The following SFXN1 variants were observed in gnomAD, a reference collection of about 807,000 sequenced individuals.
SFXN1 encodes the protein sideroflexin 1.
Under a neutral mutation model 39.5 loss-of-function variants are expected in SFXN1, and 32 were observed. The observed-to-expected ratio is 0.81, with a 90% CI of 0.61 to 1.09. The LOEUF (loss-of-function observed/expected upper bound fraction) is 1.09, where lower values mean the gene tolerates loss of function less well. Among genes scored for constraint, SFXN1 ranks in the 50% least tolerant of loss-of-function variants. SFXN1 has a pLI of 0.00. For missense variants in SFXN1, 402 were observed against 407.1 expected, an observed-to-expected ratio of 0.99 and a Z score of 0.11; for synonymous variants, 136 against 146.5, an observed-to-expected ratio of 0.93 and a Z score of 0.52.
chr5:175,511,299 C>T (rs997953218), intron 4 of SFXN1, 152 bp from the exon 5 acceptor site: 5 of 609,006 alleles, frequency 8.2e-6, no homozygotes, highest in Non-Finnish European at 1.4e-5. Context: ...TCTAGATTCC[C>T]CTACTTGTGG....
At chr5:175,487,759 A>G (rs1759503124) in intron 1 of SFXN1, among the ~76,000 whole-genome samples, 2 of 151,996 alleles carry the variant, frequency 1.3e-5, no homozygotes, top group East Asian at 3.9e-4. Flanking sequence ...GGACATCTCC[A>G]CTTGCTGCCT....
chr5:175,498,220 C>G (rs1344445519), intron 2 of SFXN1, among the ~76,000 whole-genome samples: 6 of 152,100 alleles, frequency 3.9e-5, no homozygotes, highest in Non-Finnish European at 8.8e-5. Context: ...AATGAATGAA[C>G]TGAGAACCCA....
At chr5:175,509,806 C>T (rs1760448932) in intron 3 of SFXN1, among the ~76,000 whole-genome samples, 1 of 152,096 alleles carries the variant, frequency 6.6e-6, no homozygotes, top group African/African-American at 2.4e-5. Flanking sequence ...CTTTTTTCCC[C>T]AAGAGAAGGG....
Position 175,527,877 on chromosome 5 carries a change from G to C in SFXN1, c.*1143G>C, listed in dbSNP as rs1761114983. 1 of 151,348 alleles carries C rather than the reference G, an allele frequency of 6.6e-6. No homozygotes were observed. Among genetic ancestry groups the C allele is most frequent in the African/African-American group, 2.4e-5 (1 of 41,100 alleles). The allele number at this position is 151,348 out of a possible 1,614,324, so 9.4% of individuals were successfully genotyped here. A position where few individuals can be genotyped will look rare whatever the true frequency, so the allele number is the denominator to read the frequency against. On this transcript the variant is annotated 3_prime_UTR_variant, in exon 11 of 11. Transcript: ENST00000321442. ...GACAGTTGGCCCTCTGTATCCGTGA[G>C]CTCTATATCTGTGAATTCAACCAAG... is the stretch of plus-strand genomic sequence containing the variant.
intron 7 of SFXN1, chr5:175,513,867 T>G: frequency 4.4e-5 from 12 of 270,670 alleles, no homozygotes; most frequent in East Asian, 7.8e-5. Context: ...ATGAATATTC[T>G]GGCAGAGGGA....
At chr5:175,518,212 G>A (rs1760773744) in intron 8 of SFXN1, among the ~76,000 whole-genome samples, 1 of 152,118 alleles carries the variant, frequency 6.6e-6, no homozygotes, top group Non-Finnish European at 1.5e-5. Flanking sequence ...CATTCTTGAT[G>A]GCACTTTCAT....
At position 175,528,425 on chromosome 5, in the gene SFXN1, T is replaced by TA. The variant is rs1181522610; in HGVS notation, c.*1692dup. The TA allele has an allele frequency of 6.6e-6, 1 of 152,184 alleles. No homozygotes were observed. The highest frequency in any genetic ancestry group is 6.5e-5 in the Admixed American group (1 of 15,270). 9.4% of individuals were successfully genotyped at this position (152,184 alleles called of 1,614,324 possible). A position where few individuals can be genotyped will look rare whatever the true frequency, so the allele number is the denominator to read the frequency against. ...TATCAGGAACTTGAGCATCTGCAGA[T>TA]ATTGGTATCGGAGGGCGGTCCTGGA... On this transcript the variant is annotated 3_prime_UTR_variant, in exon 11 of 11. Coordinates refer to ENST00000321442, the MANE Select transcript of SFXN1 (RefSeq NM_022754.7).
At chr5:175,497,175 C>T (rs1368878415) in intron 2 of SFXN1, among the ~76,000 whole-genome samples, 1 of 152,198 alleles carries the variant, frequency 6.6e-6, no homozygotes, top group African/African-American at 2.4e-5. Context: ...AGGCGTGAGC[C>T]ACCATGCCTC....
chr5:175,494,038 A>G (rs1281048032), intron 2 of SFXN1, among the ~76,000 whole-genome samples: 3 of 152,250 alleles, frequency 2.0e-5, no homozygotes, highest in Non-Finnish European at 2.9e-5. Flanking sequence ...AGAGGAAAAG[A>G]GAATGGAGAC....
chr5:175,500,397 TACACCAACAC>T (rs1760026834), intron 2 of SFXN1, among the ~76,000 whole-genome samples: 1 of 127,368 alleles, frequency 7.9e-6, no homozygotes, highest in Admixed American at 8.3e-5. Context: ...AAAATGCCTG[TACACCAACAC>T]ACACACACAC....
At chr5:175,496,006 T>G (rs1561658790) in intron 2 of SFXN1, among the ~76,000 whole-genome samples, 1 of 148,018 alleles carries the variant, frequency 6.8e-6, no homozygotes, top group African/African-American at 2.5e-5. Flanking sequence ...GTTCAAGCGA[T>G]TCTTCTGCCT....
intron 10 of SFXN1, among the ~76,000 whole-genome samples, chr5:175,524,461 A>T (rs1379821936): frequency 6.6e-6 from 1 of 152,006 alleles, no homozygotes; most frequent in Admixed American, 6.6e-5. Flanking sequence ...TGAATGCACC[A>T]CAGTTTCCCG....
chr5:175,507,179 T>G (rs750168837), intron 2 of SFXN1, among the ~76,000 whole-genome samples: 11 of 152,054 alleles, frequency 7.2e-5, no homozygotes, highest in Admixed American at 1.3e-4. Context: ...TTACTTGGCC[T>G]TCTTCTGTGT....
intron 1 of SFXN1, among the ~76,000 whole-genome samples, chr5:175,482,371 C>A (rs1244709078): frequency 2.0e-5 from 3 of 152,198 alleles, no homozygotes; most frequent in Admixed American, 2.0e-4. Context: ...AAGCACATTC[C>A]CTGCTAACTT....
chr5:175,480,100 T>G (rs58661406), intron 1 of SFXN1, among the ~76,000 whole-genome samples: 6,823 of 152,168 alleles, frequency 0.045, 494 homozygotes, highest in African/African-American at 0.16. Flanking sequence ...GGTGTCTCAC[T>G]TTCAAAAATA....
chr5:175,488,787 T>G (rs2113271087), intron 1 of SFXN1, among the ~76,000 whole-genome samples: 1 of 152,326 alleles, frequency 6.6e-6, no homozygotes, highest in Non-Finnish European at 1.5e-5. Context: ...TCCTAGCTAA[T>G]CGGGAGGCTG....
Position 175,521,984 on chromosome 5 carries a change from T to C in SFXN1, c.824+16T>C, listed in dbSNP as rs750576991. ...TTGGCTTCTGGTGAGTAGAAATTAC[T>C]TTTACATAATTAATTTCTTTTAAAA... On this transcript the variant is annotated intron_variant, in intron 9 of 10. Coordinates refer to ENST00000321442, the MANE Select transcript of SFXN1 (RefSeq NM_022754.7). 2 of 1,585,474 alleles carry C rather than the reference T, an allele frequency of 1.3e-6. No homozygotes were observed. The highest frequency in any genetic ancestry group is 1.3e-5 in the African/African-American group (1 of 74,570).
intron 6 of SFXN1, 102 bp downstream of exon 6, chr5:175,512,298 A>T (rs1298943043): frequency 2.0e-6 from 2 of 988,680 alleles, no homozygotes; most frequent in Non-Finnish European, 3.1e-6. Context: ...TTTAATATGT[A>T]TAGGTGAAAT....
rs1263828703 is a variant in SFXN1 at position 175,516,680 on chromosome 5, T to A, written c.774+17T>A. On this transcript the variant is annotated intron_variant, in intron 8 of 10. Coordinates refer to ENST00000321442, the MANE Select transcript of SFXN1 (RefSeq NM_022754.7). ...TTTTTGAAGGTAAGCTGTGGTTCTTTTGTCATTTTCTCAACCCTTTTTATT... is the reference window on the plus strand; with the variant it reads ...TTTTTGAAGGTAAGCTGTGGTTCTTATGTCATTTTCTCAACCCTTTTTATT... The A allele has an allele frequency of 6.2e-7, 1 of 1,610,618 alleles. No homozygotes were observed. The highest frequency in any genetic ancestry group is 8.5e-7 in the Non-Finnish European group (1 of 1,177,866).
Sources: allele counts gnomAD v4.1 joint callset (sites outside exome capture counted in the v4.1 genomes callset), GRCh38; gene constraint gnomAD v4.1.1; transcripts MANE v1.5; gene names NCBI Gene and HGNC (gene_info 2026-07-23, HGNC 2026-07-21).